The following FILIP1 variants were observed in gnomAD, a reference collection of about 807,000 sequenced individuals.
FILIP1 encodes filamin A interacting protein 1, also known as filamin-A-interacting protein 1.
Under a neutral mutation model 102.1 loss-of-function variants are expected in FILIP1, and 61 were observed. The observed-to-expected ratio is 0.60, with a 90% confidence interval of 0.49 to 0.74. The LOEUF is 0.74. FILIP1 is among the 30% of genes least tolerant of loss of function. The pLI is 0.00. For synonymous variants in FILIP1, 491 were observed against 526.9 expected, an observed-to-expected ratio of 0.93 and a Z score of 0.93; for missense variants, 1,314 against 1,441.2, an observed-to-expected ratio of 0.91 and a Z score of 1.43.
intron 5 of FILIP1, among the ~76,000 whole-genome samples, chr6:75,309,740 T>C (rs568703302): frequency 4.0e-4 from 61 of 152,242 alleles, no homozygotes; most frequent in African/African-American, 1.4e-3. Context: ...CATCTTATTC[T>C]CCCAGACAGC....
chr6:75,376,088 G>A (rs1159071896), intron 2 of FILIP1, among the ~76,000 whole-genome samples: 3 of 151,968 alleles, frequency 2.0e-5, no homozygotes, highest in African/African-American at 7.3e-5. Flanking sequence ...GAAAACTCAG[G>A]GTGGTCCTTA....
At chr6:75,299,431 C>A (rs1169277779) in intron 6 of FILIP1, among the ~76,000 whole-genome samples, 2 of 152,162 alleles carry the variant, frequency 1.3e-5, no homozygotes, top group African/African-American at 4.8e-5. Flanking sequence ...CCTCTGTCAG[C>A]AAACTCAAAA....
intron 1 of FILIP1, among the ~76,000 whole-genome samples, chr6:75,437,247 T>C (rs145778708): frequency 5.8e-4 from 89 of 152,140 alleles, no homozygotes; most frequent in African/African-American, 1.8e-3. Context: ...GAGGAAAAAA[T>C]CAGAAGGAAA....
intron 4 of FILIP1, among the ~76,000 whole-genome samples, chr6:75,328,401 T>G (rs1342964686): frequency 6.6e-6 from 1 of 152,196 alleles, no homozygotes; most frequent in Non-Finnish European, 1.5e-5. Context: ...GTTAATTAAT[T>G]GTTGAAGATT....
chr6:75,454,467 T>TA (rs1778751514), intron 1 of FILIP1, among the ~76,000 whole-genome samples: 1 of 152,182 alleles, frequency 6.6e-6, no homozygotes, highest in African/African-American at 2.4e-5. Context: ...TTAAGGTCCA[T>TA]AACCCTAGTC....
intron 4 of FILIP1, among the ~76,000 whole-genome samples, chr6:75,320,253 G>C (rs1208481655): frequency 6.6e-6 from 1 of 152,112 alleles, no homozygotes; most frequent in African/African-American, 2.4e-5. Context: ...ATATAAACTT[G>C]AATTAGAAAC....
rs1562514767 is a variant in FILIP1, at chr6:75,372,681, GAAAGAGAAAGAAAGA to G, written c.277-9779_277-9765del. ...AGAAAGAAAGAAAGAAAGAAAGAAAGAAAGAGAAAGAAAGAGAAAGAAAGAAAGAAAGGAAAGAAA... is the reference window on the plus strand; with the variant it reads ...AGAAAGAAAGAAAGAAAGAAAGAAAGGAAAGAAAGAAAGAAAGGAAAGAAA... On this transcript the variant is annotated intron_variant, in intron 2 of 5. Transcript: ENST00000237172. Among the ~76,000 whole-genome samples the G allele has an allele frequency of 1.3e-3, 60 of 45,536 alleles. 1 individual carries two copies. The highest frequency in any genetic ancestry group is 8.2e-3 in the African/African-American group (57 of 6,956). 29.9% of individuals were successfully genotyped at this position (45,536 alleles called of 152,430 possible).
chr6:75,446,670 G>A (rs1056315855), intron 1 of FILIP1, among the ~76,000 whole-genome samples: 3 of 152,080 alleles, frequency 2.0e-5, no homozygotes, highest in Non-Finnish European at 4.4e-5. Context: ...GTTTCTAGCC[G>A]CAACCATCAA....
rs1562492060 is a variant in FILIP1, at chr6:75,353,594, C to T, written c.574G>A (p.Asp192Asn). The T allele has an allele frequency of 6.2e-7, 1 of 1,614,196 alleles. No individual in the cohort carries two copies. Residue 192 changes from aspartate to asparagine, a missense_variant, in exon 4 of 6, where the codon GAC (aspartate) becomes AAC (asparagine). Physicochemically the swap from Asp to Asn is conservative, Grantham distance 23 (BLOSUM62 1). This residue lies in a region of FILIP1 where 494 missense variants were observed against 511.2 expected (regional missense o/e 0.97). Transcript: ENST00000237172. ...ELENEKHKHT[D>N]YMNKSDDFTN... ...AAGTCGTCGCTCTTGTTCATGTAGTCAGTGTGTTTATGCTTCTCGTTCTCT... is the reference window on the plus strand; with the variant it reads ...AAGTCGTCGCTCTTGTTCATGTAGTTAGTGTGTTTATGCTTCTCGTTCTCT...
At chr6:75,474,500 G>T (rs983240893) in intron 1 of FILIP1, among the ~76,000 whole-genome samples, 2 of 152,204 alleles carry the variant, frequency 1.3e-5, no homozygotes, top group African/African-American at 4.8e-5. Flanking sequence ...AATGGGTCTT[G>T]CTTCTTCCCT....
intron 1 of FILIP1, among the ~76,000 whole-genome samples, chr6:75,486,580 G>C (rs1779794743): frequency 6.6e-6 from 1 of 152,052 alleles, no homozygotes; most frequent in Admixed American, 6.6e-5. Flanking sequence ...ATAAACAACT[G>C]CCTGAATTTT....
chr6:75,376,331 C>T (rs1471748244), intron 2 of FILIP1, among the ~76,000 whole-genome samples: 9 of 152,100 alleles, frequency 5.9e-5, no homozygotes, highest in Non-Finnish European at 4.4e-5. Flanking sequence ...GTGTGCCTCT[C>T]TGAACTGTTT....
intron 1 of FILIP1, among the ~76,000 whole-genome samples, chr6:75,482,705 T>C (rs1779678388): frequency 6.6e-6 from 1 of 152,358 alleles, no homozygotes; most frequent in East Asian, 1.9e-4. Flanking sequence ...AAGCAATACA[T>C]GACCATAAAG....
intron 2 of FILIP1, chr6:75,399,265 T>TA (rs1424129099): frequency 6.6e-6 from 1 of 152,188 alleles, no homozygotes; most frequent in African/African-American, 2.4e-5. Context: ...AGTTGTAACT[T>TA]AGAGACCAGA....
chr6:75,311,971 C>T (rs1348467811), intron 5 of FILIP1, among the ~76,000 whole-genome samples: 2 of 152,066 alleles, frequency 1.3e-5, no homozygotes, highest in Non-Finnish European at 2.9e-5. Context: ...CCATATATAA[C>T]CACATATTGA....
intron 2 of FILIP1, among the ~76,000 whole-genome samples, chr6:75,364,845 C>T (rs940636935): frequency 2.6e-5 from 4 of 152,110 alleles, no homozygotes; most frequent in East Asian, 1.9e-4. Flanking sequence ...TTCCTTTTTC[C>T]GATCTTAAAA....
At chr6:75,453,224 C>G (rs1778695923) in intron 1 of FILIP1, among the ~76,000 whole-genome samples, 1 of 152,204 alleles carries the variant, frequency 6.6e-6, no homozygotes, top group Non-Finnish European at 1.5e-5. Flanking sequence ...GAAGGCCTAT[C>G]TTCTCCATGA....
At position 75,313,086 on chromosome 6, in the gene FILIP1, G is replaced by A. The variant is rs932490879; in HGVS notation, c.2746C>T (p.Pro916Ser). The A allele has an allele frequency of 3.1e-6, 5 of 1,614,192 alleles. No individual in the cohort carries two copies. The highest frequency in any genetic ancestry group is 3.4e-6 in the Non-Finnish European group (4 of 1,180,040). Residue 916 changes from proline (P) to serine (S), a missense_variant, in exon 5 of 6, where the codon CCA becomes TCA. Coordinates refer to ENST00000237172, the MANE Select transcript of FILIP1 (RefSeq NM_015687.5). This position sits in a 1 kb window ranked among gnomAD's most constrained non-coding sequence, Gnocchi z 4.2. Reference protein sequence around the residue: ...QGQPLHIRVTPDHENSTATLE... With the variant: ...QGQPLHIRVTSDHENSTATLE... The stretch of plus-strand genomic sequence containing the variant: ...GTCGCAGTGCTGTTCTCGTGGTCTG[G>A]TGTCACTCGAATATGCAGGGGCTGG...
intron 2 of FILIP1, among the ~76,000 whole-genome samples, chr6:75,373,837 T>A (rs1356498375): frequency 2.0e-5 from 3 of 152,062 alleles, no homozygotes; most frequent in Non-Finnish European, 4.4e-5. Flanking sequence ...GGCAAAACCC[T>A]GTCTCTATAA....
Sources: allele counts gnomAD v4.1 joint callset (sites outside exome capture counted in the v4.1 genomes callset), GRCh38; gene constraint gnomAD v4.1.1; regional missense constraint gnomAD v4.1.1; non-coding constraint Gnocchi (gnomAD v3.1); transcripts MANE v1.5; gene names NCBI Gene and HGNC (gene_info 2026-07-23, HGNC 2026-07-21).